The following BOLL variants were observed in gnomAD, a reference collection of about 807,000 sequenced individuals.
The protein encoded by BOLL is boule RNA binding protein, also known as protein boule-like.
In BOLL, 23 loss-of-function variants were observed where a neutral mutation model predicts 44.4. The observed-to-expected ratio is 0.52, with a 90% CI of 0.37 to 0.73. The LOEUF (loss-of-function observed/expected upper bound fraction) is 0.73, where lower values mean the gene tolerates loss of function less well. Among genes scored for constraint, BOLL ranks in the 30% least tolerant of loss-of-function variants. The probability of loss-of-function intolerance (pLI) is 0.00; values close to 1 mark genes in which losing one functional copy is unlikely to be tolerated. For missense variants in BOLL, 287 were observed against 338.3 expected, an observed-to-expected ratio of 0.85 and a Z score of 1.19; for synonymous variants, 97 against 110.8, an observed-to-expected ratio of 0.88 and a Z score of 0.78.
chr2:197,759,080 C>A (rs1688637624), intron 7 of BOLL: 4 of 1,121,512 alleles, frequency 3.6e-6, no homozygotes, highest in Non-Finnish European at 5.1e-6. Context: ...TTTCCACTGG[C>A]TCCCCACCCC....
At chr2:197,731,064 A>G (rs1407513369) in intron 10 of BOLL, among the ~76,000 whole-genome samples, 1 of 152,088 alleles carries the variant, frequency 6.6e-6, no homozygotes, top group Non-Finnish European at 1.5e-5. Context: ...GTATTCAGGA[A>G]ACCCACCTCA....
chr2:197,751,885 G>A (rs1203558845), intron 9 of BOLL, among the ~76,000 whole-genome samples: 3 of 149,528 alleles, frequency 2.0e-5, no homozygotes, highest in South Asian at 2.1e-4. Context: ...AATGAACATC[G>A]AAGCAAAAAT....
intron 10 of BOLL, among the ~76,000 whole-genome samples, chr2:197,739,995 A>T (rs1687660929): frequency 6.6e-6 from 1 of 152,196 alleles, no homozygotes; most frequent in African/African-American, 2.4e-5. Context: ...ACGACAGAAG[A>T]AGTCTATTTT....
Position 197,728,195 on chromosome 2 carries a change from ATTGT to A in BOLL, c.*356_*359del. The A allele has an allele frequency of 2.7e-6, 1 of 371,884 alleles. No individual in the cohort carries two copies. The highest frequency in any genetic ancestry group is 4.8e-6 in the Non-Finnish European group (1 of 209,562). 23.0% of individuals were successfully genotyped at this position (371,884 alleles called of 1,614,324 possible). On this transcript the variant is annotated 3_prime_UTR_variant, in exon 11 of 11. Transcript: ENST00000392296. ...CAAATAATATGAAACATAACATCTA[ATTGT>A]TTGATAAGAAAAAATAACACAAAGC...
chr2:197,761,332 A>G (rs1688749357), intron 7 of BOLL, among the ~76,000 whole-genome samples: 1 of 152,178 alleles, frequency 6.6e-6, no homozygotes, highest in Non-Finnish European at 1.5e-5. Context: ...GAGAGAATTT[A>G]TCACCACTAG....
At chr2:197,786,089 T>C, upstream of BOLL, 2 of 1,527,104 alleles carry the variant, frequency 1.3e-6, no homozygotes, top group Non-Finnish European at 1.8e-6. This position sits in a 1 kb window ranked among gnomAD's most constrained non-coding sequence, Gnocchi z 5.9. Context: ...GCAGCGCTGC[T>C]TGTCCTGCCT....
chr2:197,766,941 C>G (rs1448967394), intron 6 of BOLL, among the ~76,000 whole-genome samples: 1 of 151,916 alleles, frequency 6.6e-6, no homozygotes, highest in African/African-American at 2.4e-5. Context: ...GTGACGCTGC[C>G]TGTTTCCATT....
intron 7 of BOLL, among the ~76,000 whole-genome samples, chr2:197,761,360 A>G (rs1688750884): frequency 6.6e-6 from 1 of 152,214 alleles, no homozygotes; most frequent in South Asian, 2.1e-4. Context: ...TTACAAAAAA[A>G]ATACTCAAGG....
chr2:197,781,235 A>T (rs1313925037), intron 2 of BOLL, among the ~76,000 whole-genome samples: 1 of 152,108 alleles, frequency 6.6e-6, no homozygotes, highest in African/African-American at 2.4e-5. Context: ...CCTAAATTCT[A>T]ACATAGAAAG....
At chr2:197,765,499 A>G (rs890563399) in intron 7 of BOLL, among the ~76,000 whole-genome samples, 1 of 152,076 alleles carries the variant, frequency 6.6e-6, no homozygotes. Context: ...ACACAAAGAA[A>G]TGATAAATGT....
rs777304273 is a variant in BOLL at position 197,728,505 on chromosome 2, G to A, written c.*50C>T. ...TGAAGCTGGATCTCGGCCACGCAAGGATCATTGGACAAGAAATCAGTTGAG... is the reference window on the plus strand; with the variant it reads ...TGAAGCTGGATCTCGGCCACGCAAGAATCATTGGACAAGAAATCAGTTGAG... On this transcript the variant is annotated 3_prime_UTR_variant, in exon 11 of 11. Transcript: ENST00000392296. 2 of 1,614,040 alleles carry A rather than the reference G, an allele frequency of 1.2e-6. No homozygotes were observed. Among genetic ancestry groups the A allele is most frequent in the Admixed American group, 3.3e-5 (2 of 60,018 alleles).
intron 10 of BOLL, among the ~76,000 whole-genome samples, chr2:197,736,546 A>G (rs1687502411): frequency 6.6e-6 from 1 of 152,108 alleles, no homozygotes; most frequent in South Asian, 2.1e-4. Context: ...AAGTTGAGTG[A>G]AGAGATACAT....
chr2:197,733,587 C>A (rs1559388944), intron 10 of BOLL, among the ~76,000 whole-genome samples: 1 of 152,118 alleles, frequency 6.6e-6, no homozygotes, highest in Non-Finnish European at 1.5e-5. Flanking sequence ...GTAACCAAAA[C>A]AGCATGGTAC....
At chr2:197,732,318 A>G (rs1338944050) in intron 10 of BOLL, among the ~76,000 whole-genome samples, 1 of 152,094 alleles carries the variant, frequency 6.6e-6, no homozygotes, top group Non-Finnish European at 1.5e-5. Context: ...GCAATAATCA[A>G]TAGCTTACCA....
chr2:197,769,839 C>T lies in BOLL; in HGVS notation c.480+2016G>A, dbSNP rs540051299. 1.9e-4 allele frequency among the ~76,000 whole-genome samples: 29 copies of T among 151,978 alleles called. 1 individual carries two copies. Among genetic ancestry groups the T allele is most frequent in the African/African-American group, 6.5e-4 (27 of 41,472 alleles). ...AGGAGAACTACAAACCACTGCTCAA[C>T]GAAATAAAAGAGGACACAAACAAAT... On this transcript the variant is annotated intron_variant, in intron 6 of 10. Coordinates refer to ENST00000392296, the MANE Select transcript of BOLL (RefSeq NM_033030.6).
At position 197,749,658 on chromosome 2, in the gene BOLL, A is replaced by C. The variant is rs116410078; in HGVS notation, c.730-6499T>G. 9.0e-3 allele frequency among the ~76,000 whole-genome samples: 1,372 copies of C among 152,066 alleles called. 25 individuals carry two copies. Among genetic ancestry groups the C allele is most frequent in the African/African-American group, 0.031 (1,304 of 41,502 alleles). On this transcript the variant is annotated intron_variant, in intron 9 of 10. Transcript: ENST00000392296. Reference sequence around the variant, plus strand: ...TCAGAGATGGAAGATTGACTTAATGAAATAAAGCGTGAAGACAAGATTAGA... The same window carrying C: ...TCAGAGATGGAAGATTGACTTAATGCAATAAAGCGTGAAGACAAGATTAGA...
At chr2:197,771,677 A>C (rs368050392) in intron 6 of BOLL, among the ~76,000 whole-genome samples, 178 bp downstream of exon 6, 265 of 152,146 alleles carry the variant, frequency 1.7e-3, no homozygotes, top group Middle Eastern at 3.4e-3. Flanking sequence ...AAGCTGTCTT[A>C]CTTTACTCCC....
At chr2:197,776,177 G>C (rs949561053) in intron 4 of BOLL, among the ~76,000 whole-genome samples, 1 of 151,794 alleles carries the variant, frequency 6.6e-6, no homozygotes, top group East Asian at 1.9e-4. Context: ...TTTCTATTTA[G>C]TGCCATGTTT....
intron 7 of BOLL, among the ~76,000 whole-genome samples, chr2:197,761,939 C>G (rs959903658): frequency 6.6e-6 from 1 of 152,104 alleles, no homozygotes; most frequent in East Asian, 1.9e-4. Context: ...CAAAAAGCAC[C>G]CAGATATATA....
Sources: gnomAD v4.1 joint callset for allele counts (sites outside exome capture counted in the v4.1 genomes callset) on GRCh38, gnomAD v4.1.1 for gene constraint, Gnocchi (gnomAD v3.1) non-coding constraint, MANE v1.5 for transcripts, NCBI Gene and HGNC (gene_info 2026-07-23, HGNC 2026-07-21) for gene names.